RGS6: variants seen among roughly 807,000 people sequenced by gnomAD.
The protein encoded by RGS6 is regulator of G protein signaling 6.
RGS6 carries 30 observed loss-of-function variants against 78.5 expected under a neutral mutation model. The observed-to-expected ratio is 0.38, with a 90% CI of 0.29 to 0.52. The LOEUF (loss-of-function observed/expected upper bound fraction) is 0.52, where lower values mean the gene tolerates loss of function less well. Ranked by LOEUF, RGS6 falls within the 20% of genes least tolerant of loss-of-function variation. RGS6 has a pLI of 0.85. For missense variants in RGS6, 495 were observed against 609.7 expected (o/e 0.81, Z 1.98); for synonymous variants, 206 against 206.0 (o/e 1.00, Z 0.00).
Position 72,372,987 on chromosome 14 carries a change from A to G in RGS6, c.184+20793A>G, listed in dbSNP as rs181240991. On this transcript the variant is annotated intron_variant, in intron 3 of 17. Coordinates refer to ENST00000553525, the MANE Select transcript of RGS6 (RefSeq NM_001204424.2). ...ATTGTAGTGTGATGCTTAAGGAGAA[A>G]TATATGGAACACTGACCTCCCCACC... Among the ~76,000 whole-genome samples, 360 of 152,256 alleles carry G rather than the reference A, an allele frequency of 2.4e-3. 1 individual carries two copies. The highest frequency in any genetic ancestry group is 0.01 in the Middle Eastern group (3 of 294).
intron 1 of RGS6, among the ~76,000 whole-genome samples, chr14:71,962,837 T>G (rs1028769260): frequency 2.0e-5 from 3 of 152,246 alleles, no homozygotes; most frequent in African/African-American, 7.2e-5. Context: ...CAAATTTGTT[T>G]TTATGGAATG....
intron 3 of RGS6, among the ~76,000 whole-genome samples, chr14:72,381,083 ATGT>A (rs1049431259): frequency 1.3e-5 from 2 of 152,150 alleles, no homozygotes; most frequent in African/African-American, 4.8e-5. Context: ...CAGATACCAC[ATGT>A]TGTCACTCAT....
chr14:71,902,277 C>T, the RGS6 span, among the ~76,000 whole-genome samples: 5 of 152,154 alleles, frequency 3.3e-5, no homozygotes, highest in African/African-American at 9.6e-5. Context: ...CATGAGTTGC[C>T]CCACTCACTT....
intron 2 of RGS6, among the ~76,000 whole-genome samples, chr14:72,299,629 C>A (rs1464149842): frequency 6.6e-6 from 1 of 152,194 alleles, no homozygotes; most frequent in African/African-American, 2.4e-5. Context: ...TCTCTGCATC[C>A]TTGCTAACAC....
rs903928098 is a variant in RGS6, at chr14:72,564,061, C to T, written c.*1594C>T. On this transcript the variant is annotated 3_prime_UTR_variant, in exon 18 of 18. Transcript: ENST00000553525. Reference sequence around the variant, plus strand: ...CGGCCTCCTGGGTGCTCCCCAGTGACCCATCTTTCCACCCCACCACCTCCA... The same window carrying T: ...CGGCCTCCTGGGTGCTCCCCAGTGATCCATCTTTCCACCCCACCACCTCCA... 2.1e-4 allele frequency: 32 copies of T among 152,370 alleles called. No individual in the cohort carries two copies. Among genetic ancestry groups the T allele is most frequent in the African/African-American group, 7.7e-4 (32 of 41,586 alleles). The allele number at this position is 152,370 out of a possible 1,614,324, so 9.4% of individuals were successfully genotyped here. A position where few individuals can be genotyped will look rare whatever the true frequency, so the allele number is the denominator to read the frequency against.
At chr14:72,386,869 G>A (rs2088247920) in intron 3 of RGS6, among the ~76,000 whole-genome samples, 1 of 152,170 alleles carries the variant, frequency 6.6e-6, no homozygotes, top group Non-Finnish European at 1.5e-5. Flanking sequence ...GCAAAACTAT[G>A]TTGACAGAAA....
the RGS6 span, chr14:71,908,246 A>G: frequency 2.0e-5 from 3 of 152,222 alleles, no homozygotes; most frequent in African/African-American, 7.2e-5. Context: ...CACCATCATC[A>G]TGTTTGCCAA....
the RGS6 span, among the ~76,000 whole-genome samples, chr14:71,888,895 T>G: frequency 2.6e-5 from 4 of 152,252 alleles, no homozygotes; most frequent in African/African-American, 9.6e-5. Flanking sequence ...AATAAAACAC[T>G]GAAATGTATT....
chr14:72,542,862 C>A (rs990682869), intron 17 of RGS6, among the ~76,000 whole-genome samples: 17 of 152,290 alleles, frequency 1.1e-4, no homozygotes, highest in African/African-American at 4.1e-4. Context: ...TCTGTTAAGA[C>A]CACATATGCC....
intron 3 of RGS6, among the ~76,000 whole-genome samples, chr14:72,376,498 C>T (rs2084757461): frequency 6.6e-6 from 1 of 152,038 alleles, no homozygotes; most frequent in Middle Eastern, 3.2e-3. Context: ...GCTCAAAGAA[C>T]CCCAAATAGA....
intron 2 of RGS6, among the ~76,000 whole-genome samples, chr14:72,326,154 C>T (rs1203641078): frequency 2.6e-5 from 4 of 152,220 alleles, no homozygotes; most frequent in Non-Finnish European, 4.4e-5. Flanking sequence ...TACAAACCAC[C>T]AAATGCTGGC....
chr14:72,399,014 AG>A (rs1274484378), intron 3 of RGS6, among the ~76,000 whole-genome samples: 2 of 151,928 alleles, frequency 1.3e-5, no homozygotes, highest in Non-Finnish European at 2.9e-5. Context: ...GGTGCTGAAA[AG>A]AATGTATATT....
intron 2 of RGS6, among the ~76,000 whole-genome samples, chr14:72,187,136 C>A (rs1040270906): frequency 1.3e-5 from 2 of 152,188 alleles, no homozygotes; most frequent in Non-Finnish European, 2.9e-5. Flanking sequence ...ATTCAAATAT[C>A]CCTCTGATTC....
At position 72,017,768 on chromosome 14, in the gene RGS6, C is replaced by CT. The variant is rs1040647985; in HGVS notation, c.84+52903dup. ...GCCTTTTATTGGGTTAAGAAAATGT[C>CT]TTTTTTTTTTCTTCAACTTTTATTT... On this transcript the variant is annotated intron_variant, in intron 2 of 17. Coordinates refer to ENST00000553525, the MANE Select transcript of RGS6 (RefSeq NM_001204424.2). Among the ~76,000 whole-genome samples the CT allele has an allele frequency of 4.5e-4, 67 of 149,424 alleles. 1 individual carries two copies. Among genetic ancestry groups the CT allele is most frequent in the African/African-American group, 1.4e-3 (58 of 40,672 alleles).
Position 72,018,290 on chromosome 14 carries a change from G to T in RGS6, c.84+53415G>T, listed in dbSNP as rs535314140. 3.3e-5 allele frequency among the ~76,000 whole-genome samples: 5 copies of T among 152,030 alleles called. No homozygotes were observed. The South Asian group carries it at 1.0e-3, about 32-fold the overall frequency. On this transcript the variant is annotated intron_variant, in intron 2 of 17. Transcript: ENST00000553525. ...ATTTTTTCTCTCATTTTAAACATACGCAATTATATTCTTTTGAATTTTTCT... is the reference window on the plus strand; with the variant it reads ...ATTTTTTCTCTCATTTTAAACATACTCAATTATATTCTTTTGAATTTTTCT...
intron 2 of RGS6, among the ~76,000 whole-genome samples, chr14:71,979,301 G>C (rs1355044871): frequency 6.8e-6 from 1 of 147,768 alleles, no homozygotes; most frequent in African/African-American, 2.5e-5. Context: ...CTTGCCTTCT[G>C]CTAGCTTTTG....
upstream of RGS6, among the ~76,000 whole-genome samples, chr14:71,929,560 A>C (rs910370295): frequency 2.0e-5 from 3 of 152,210 alleles, no homozygotes; most frequent in African/African-American, 7.2e-5. Context: ...CATGTTAATA[A>C]GTATGCTGTA....
chr14:72,452,643 C>T (rs1045256877), intron 3 of RGS6, among the ~76,000 whole-genome samples: 2 of 152,236 alleles, frequency 1.3e-5, no homozygotes, highest in African/African-American at 4.8e-5. Flanking sequence ...GAGTTCTTGG[C>T]ACATCCCCTC....
chr14:72,168,926 G>A (rs2096968992), intron 2 of RGS6, among the ~76,000 whole-genome samples: 1 of 152,186 alleles, frequency 6.6e-6, no homozygotes, highest in Non-Finnish European at 1.5e-5. Context: ...ATGGCTAAAT[G>A]ACTCCAAATC....
Sources: allele counts gnomAD v4.1 joint callset (sites outside exome capture counted in the v4.1 genomes callset), GRCh38; gene constraint gnomAD v4.1.1; transcripts MANE v1.5; gene names NCBI Gene and HGNC (gene_info 2026-07-23, HGNC 2026-07-21).